Variants in SCGB1D2 observed in about 807,000 individuals in gnomAD.
The protein encoded by SCGB1D2 is lipophilin-B.
A neutral mutation model predicts 10.5 loss-of-function variants in SCGB1D2; 10 were observed. The observed-to-expected ratio is 0.95, with a 90% CI of 0.59 to 1.61. The LOEUF is 1.61. Among genes scored for constraint, SCGB1D2 ranks in the 40% most tolerant of loss-of-function variants. SCGB1D2 has a pLI of 0.00. For synonymous variants in SCGB1D2, 42 were observed against 42.8 expected (o/e 0.98, Z 0.08); for missense variants, 113 against 103.8 (o/e 1.09, Z -0.38).
At chr11:62,244,606 T>A (rs1271317625) in intron 2 of SCGB1D2, 64 bp from the exon 3 acceptor site, 6 of 1,478,436 alleles carry the variant, frequency 4.1e-6, no homozygotes. Flanking sequence ...CTCTTGGATG[T>A]GAGCCTGTCA....
rs770172788 is a variant in SCGB1D2, at chr11:62,242,294, C to A, written c.-14C>A. 1 of 1,613,886 alleles carries A rather than the reference C, an allele frequency of 6.2e-7. No homozygotes were observed. The highest frequency in any genetic ancestry group is 8.5e-7 in the Non-Finnish European group (1 of 1,179,874). ...TTGTTTGTGAAAGCTGAGCTCACAG[C>A]AAAACAAGCCACCATGAAGCTGTCG... On this transcript the variant is annotated 5_prime_UTR_variant, in exon 1 of 3. Transcript: ENST00000244926.
At chr11:62,243,870 G>A (rs1945086814) in intron 2 of SCGB1D2, among the ~76,000 whole-genome samples, 2 of 152,160 alleles carry the variant, frequency 1.3e-5, no homozygotes, top group African/African-American at 4.8e-5. Flanking sequence ...GGGGAGCATG[G>A]GAGCCTTGAA....
chr11:62,244,649 T>G (rs374648023), intron 2 of SCGB1D2, 21 bp from the exon 3 acceptor site: 2 of 1,611,460 alleles, frequency 1.2e-6, no homozygotes, highest in South Asian at 1.1e-5. Context: ...CCCCACCTTC[T>G]TTTTTCTTTT....
intron 1 of SCGB1D2, among the ~76,000 whole-genome samples, chr11:62,242,904 G>A (rs1051818164): frequency 3.3e-5 from 5 of 152,164 alleles, no homozygotes; most frequent in Admixed American, 6.5e-5. Flanking sequence ...CCTAGGCAAC[G>A]TGGCGAAACT....
chr11:62,242,453 T>G lies in SCGB1D2; in HGVS notation c.55+91T>G, dbSNP rs3737534. The G allele has an allele frequency of 3.7e-4, 484 of 1,321,832 alleles. 4 individuals are homozygous for G. In the East Asian group the frequency reaches 9.0e-3, roughly 25 times the overall value. The allele number at this position is 1,321,832 out of a possible 1,614,324, so 81.9% of individuals were successfully genotyped here. ...ACCTATTCAGGCTGGGGTTAGGATC[T>G]GCACAAAACCAAAATTCCAAACCTT... On this transcript the variant is annotated intron_variant, in intron 1 of 2. Coordinates refer to ENST00000244926, the MANE Select transcript of SCGB1D2 (RefSeq NM_006551.4).
Position 62,244,702 on chromosome 11 carries a change from T to C in SCGB1D2, c.*3T>C, listed in dbSNP as rs769731727. The C allele has an allele frequency of 6.2e-7, 1 of 1,612,284 alleles. No individual in the cohort carries two copies. The highest frequency in any genetic ancestry group is 1.7e-5 in the Admixed American group (1 of 59,936). On this transcript the variant is annotated 3_prime_UTR_variant, in exon 3 of 3. Coordinates refer to ENST00000244926, the MANE Select transcript of SCGB1D2 (RefSeq NM_006551.4). ...TATTGAAGAAATGTAGTGTGTGACATGTAAAAACTTTCATCCTGGTTTCCA... is the reference window on the plus strand; with the variant it reads ...TATTGAAGAAATGTAGTGTGTGACACGTAAAAACTTTCATCCTGGTTTCCA...
chr11:62,242,933 A>C (rs1283261867), intron 1 of SCGB1D2, among the ~76,000 whole-genome samples: 1 of 152,226 alleles, frequency 6.6e-6, no homozygotes, highest in African/African-American at 2.4e-5. Flanking sequence ...ACCAAAAGAA[A>C]TATGAAAAAT....
intron 1 of SCGB1D2, 81 bp downstream of exon 1, chr11:62,242,443 G>A: frequency 6.8e-7 from 1 of 1,465,124 alleles, no homozygotes; most frequent in Middle Eastern, 1.8e-4. Flanking sequence ...TTCAGGCTGG[G>A]GTTAGGATCT....
chr11:62,244,693 T>C lies in SCGB1D2; in HGVS notation c.267T>C (p.Ser89=), dbSNP rs1254012231. The change falls in exon 3 of 3, where the codon AGT becomes AGC. Residue 89 remains serine (S), a synonymous_variant. Coordinates refer to ENST00000244926, the MANE Select transcript of SCGB1D2 (RefSeq NM_006551.4). ...EVLVKILKKC[S]V ...AGGTGAAAATATTGAAGAAATGTAG[T>C]GTGTGACATGTAAAAACTTTCATCC... 2 of 1,612,928 alleles carry C rather than the reference T, an allele frequency of 1.2e-6. No individual in the cohort carries two copies. Among genetic ancestry groups the C allele is most frequent in the East Asian group, 4.5e-5 (2 of 44,888 alleles).
intron 1 of SCGB1D2, among the ~76,000 whole-genome samples, 183 bp downstream of exon 1, chr11:62,242,545 C>T (rs549694739): frequency 1.7e-4 from 26 of 152,220 alleles, no homozygotes; most frequent in Admixed American, 1.4e-3. Flanking sequence ...CCAGCACCTA[C>T]GAAGTTTTAT....
At chr11:62,244,489 A>AC (rs57349879) in intron 2 of SCGB1D2, among the ~76,000 whole-genome samples, 181 bp from the exon 3 acceptor site, 48 of 152,260 alleles carry the variant, frequency 3.2e-4, no homozygotes, top group African/African-American at 1.1e-3. Context: ...AGGCTGCTCC[A>AC]TCACCGGCAT....
intron 1 of SCGB1D2, 146 bp from the exon 2 acceptor site, chr11:62,243,143 A>G (rs1243045773): frequency 5.1e-6 from 3 of 583,356 alleles, no homozygotes; most frequent in South Asian, 5.9e-5. Flanking sequence ...TGAGGAAGTC[A>G]CACCTGAAGG....
chr11:62,244,587 C>A (rs1242552288), intron 2 of SCGB1D2, 83 bp from the exon 3 acceptor site: 3 of 1,285,836 alleles, frequency 2.3e-6, no homozygotes, highest in South Asian at 2.6e-5. Context: ...GGGGCAGAAT[C>A]CCACTGGCCT....
In SCGB1D2 at chr11:62,243,337, T is replaced by A. The variant is rs1234761416; in HGVS notation, c.104T>A (p.Phe35Tyr). The change falls in exon 2 of 3, where the codon TTC (phenylalanine) becomes TAC (tyrosine). Residue 35 changes from phenylalanine (F) to tyrosine (Y), a missense_variant. Coordinates refer to ENST00000244926, the MANE Select transcript of SCGB1D2 (RefSeq NM_006551.4). ...PALVSELLDF[F>Y]FISEPLFKLS... ...CTTGTTTCTGAGCTGTTAGACTTCTTCTTCATTAGTGAACCTCTGTTCAAG... is the reference window on the plus strand; with the variant it reads ...CTTGTTTCTGAGCTGTTAGACTTCTACTTCATTAGTGAACCTCTGTTCAAG... The A allele has an allele frequency of 1.2e-6, 2 of 1,613,960 alleles. No homozygotes were observed. The highest frequency in any genetic ancestry group is 1.3e-5 in the African/African-American group (1 of 74,934).
At position 62,244,716 on chromosome 11, in the gene SCGB1D2, T is replaced by C. The variant is rs200442523; in HGVS notation, c.*17T>C. 1 of 1,606,524 alleles carries C rather than the reference T, an allele frequency of 6.2e-7. No individual in the cohort carries two copies. The highest frequency in any genetic ancestry group is 1.1e-5 in the South Asian group (1 of 90,744). On this transcript the variant is annotated 3_prime_UTR_variant, in exon 3 of 3. Coordinates refer to ENST00000244926, the MANE Select transcript of SCGB1D2 (RefSeq NM_006551.4). Reference sequence around the variant, plus strand: ...AGTGTGTGACATGTAAAAACTTTCATCCTGGTTTCCACTGTCTTTCAATGA... The same window carrying C: ...AGTGTGTGACATGTAAAAACTTTCACCCTGGTTTCCACTGTCTTTCAATGA...
rs1565128182 is a variant in SCGB1D2, at chr11:62,244,652, T to C, written c.244-18T>C. ...CAGCATGACTGACCCCACCTTCTTT[T>C]TTCTTTTCCTATTTTAGGTGAAAAT... On this transcript the variant is annotated intron_variant, in intron 2 of 2. Coordinates refer to ENST00000244926, the MANE Select transcript of SCGB1D2 (RefSeq NM_006551.4). The C allele has an allele frequency of 2.5e-6, 4 of 1,612,270 alleles. No homozygotes were observed. Among genetic ancestry groups the C allele is most frequent in the Middle Eastern group, 1.7e-4 (1 of 6,056 alleles).
rs1590664206 is a variant in SCGB1D2, at chr11:62,242,359, C to G, written c.52C>G (p.Gln18Glu). The G allele has an allele frequency of 2.5e-6, 4 of 1,613,978 alleles. No individual in the cohort carries two copies. Among genetic ancestry groups the G allele is most frequent in the Non-Finnish European group, 2.5e-6 (3 of 1,179,906 alleles). Reference sequence around the variant, plus strand: ...GGTCACGCTGGCCCTCTGCTGCTACCAGGGTGAGTACATCAGTCATGAGTC... The same window carrying G: ...GGTCACGCTGGCCCTCTGCTGCTACGAGGGTGAGTACATCAGTCATGAGTC... Reference protein sequence around the residue: ...LLVTLALCCYQANAEFCPALV... With the variant: ...LLVTLALCCYEANAEFCPALV... Residue 18 changes from glutamine to glutamate, a missense_variant, in exon 1 of 3, where the codon CAG (glutamine) becomes GAG (glutamate). Transcript: ENST00000244926.
chr11:62,242,417 A>T, intron 1 of SCGB1D2, 55 bp downstream of exon 1: 1 of 1,575,908 alleles, frequency 6.3e-7, no homozygotes, highest in Admixed American at 1.7e-5. Flanking sequence ...CCCTCTTCCA[A>T]GCACGAGGTC....
At chr11:62,244,213 C>G (rs1292820232) in intron 2 of SCGB1D2, among the ~76,000 whole-genome samples, 1 of 152,150 alleles carries the variant, frequency 6.6e-6, no homozygotes, top group Admixed American at 6.5e-5. Flanking sequence ...GCTGCAGGCT[C>G]GGGACTGAGA....
Sources: allele counts gnomAD v4.1 joint callset (sites outside exome capture counted in the v4.1 genomes callset), GRCh38; gene constraint gnomAD v4.1.1; transcripts MANE v1.5; gene names NCBI Gene and HGNC (gene_info 2026-07-23, HGNC 2026-07-21).